CTNNA2: variants seen among roughly 807,000 people sequenced by gnomAD.
CTNNA2 encodes the protein catenin alpha-2.
Under a neutral mutation model 101.0 loss-of-function variants are expected in CTNNA2, and 42 were observed. The observed-to-expected ratio is 0.42, with a 90% CI of 0.32 to 0.54. The LOEUF (loss-of-function observed/expected upper bound fraction) is 0.54, where lower values mean the gene tolerates loss of function less well. CTNNA2 is among the 20% of genes least tolerant of loss of function. The pLI is 0.14. For missense variants in CTNNA2, 871 were observed against 1,223.1 expected (o/e 0.71, Z 4.29); for synonymous variants, 450 against 456.4 (o/e 0.99, Z 0.18).
At chr2:79,930,335 AGAAAGAAAGAAAGAAAGAAAG>A (rs1687349914) in intron 7 of CTNNA2, among the ~76,000 whole-genome samples, 1 of 135,322 alleles carries the variant, frequency 7.4e-6, no homozygotes, top group Admixed American at 7.9e-5. Flanking sequence ...AAAGAAAGAA[AGAAAGAAAGAAAGAAAGAAAG>A]AATGAACACG....
rs542830286 is a variant in CTNNA2, at chr2:79,468,663, A to G, written c.-134-36391A>G. On this transcript the variant is annotated intron_variant, in intron 4 of 21. Coordinates refer to the CTNNA2 transcript ENST00000466387. ...TCCTCAGCAAATGTAAAAGAACAGA[A>G]ATTATAACAAACTGTCTCTCAGACC... 3.9e-5 allele frequency among the ~76,000 whole-genome samples: 6 copies of G among 152,346 alleles called. 2 individuals are homozygous for G. Among genetic ancestry groups the G allele is most frequent in the African/African-American group, 1.4e-4 (6 of 41,576 alleles).
intron 7 of CTNNA2, among the ~76,000 whole-genome samples, chr2:79,951,174 T>G (rs1042224565): frequency 9.9e-5 from 15 of 152,152 alleles, no homozygotes; most frequent in African/African-American, 3.6e-4. Flanking sequence ...CAATGTAAAG[T>G]CTATTATCCA....
intron 2 of CTNNA2, among the ~76,000 whole-genome samples, chr2:79,691,360 T>G (rs571361020): frequency 6.6e-6 from 1 of 152,004 alleles, no homozygotes; most frequent in Non-Finnish European, 1.5e-5. Context: ...TCAGTACTCA[T>G]TTAGTGGATA....
intron 8 of CTNNA2, among the ~76,000 whole-genome samples, chr2:80,405,471 A>G (rs1678969766): frequency 6.6e-6 from 1 of 152,180 alleles, no homozygotes; most frequent in African/African-American, 2.4e-5. Flanking sequence ...AGCATAAGGT[A>G]AATATCAATT....
At chr2:80,629,722 A>G (rs1350063455) in intron 18 of CTNNA2, among the ~76,000 whole-genome samples, 1 of 152,238 alleles carries the variant, frequency 6.6e-6, no homozygotes, top group Non-Finnish European at 1.5e-5. Context: ...CCACTGTAGG[A>G]TGTTTAAGAA....
chr2:79,297,332 T>G (rs1414508566), intron 2 of CTNNA2, among the ~76,000 whole-genome samples: 1 of 152,144 alleles, frequency 6.6e-6, no homozygotes, highest in Non-Finnish European at 1.5e-5. Context: ...GAAACATTTC[T>G]GTTCTGAAAT....
In CTNNA2 at chr2:79,998,104, T is replaced by C. The variant is rs150228369; in HGVS notation, c.1056+88307T>C. ...TGATTACATCACTTGCTACATTAAG[T>C]TCATTAGGAATATTAGGCAATGAAT... On this transcript the variant is annotated intron_variant, in intron 7 of 18. Coordinates refer to ENST00000402739, the MANE Select transcript of CTNNA2 (RefSeq NM_001282597.3). Among the ~76,000 whole-genome samples, 245 of 152,276 alleles carry C rather than the reference T, an allele frequency of 1.6e-3. 2 individuals carry two copies. In the East Asian group the frequency reaches 0.039, roughly 24 times the overall value.
At chr2:80,019,678 T>C (rs1295660137) in intron 7 of CTNNA2, among the ~76,000 whole-genome samples, 1 of 152,230 alleles carries the variant, frequency 6.6e-6, no homozygotes, top group African/African-American at 2.4e-5. Context: ...ATCACCCTGA[T>C]GACAGTTGGA....
chr2:79,266,031 A>T (rs1674982648), intron 2 of CTNNA2, among the ~76,000 whole-genome samples: 1 of 152,168 alleles, frequency 6.6e-6, no homozygotes, highest in South Asian at 2.1e-4. Context: ...AAAGTTACTA[A>T]CTGTACCTAT....
intron 15 of CTNNA2, among the ~76,000 whole-genome samples, chr2:80,601,421 C>CTTTTTTTTTTTTT (rs56921519): frequency 7.8e-4 from 66 of 84,338 alleles, no homozygotes; most frequent in African/African-American, 1.8e-3. Context: ...TTCTTTCTTT[C>CTTTTTTTTTTTTT]TTTTTTTTTT....
intron 1 of CTNNA2, among the ~76,000 whole-genome samples, chr2:79,561,444 C>A (rs1258368806): frequency 6.6e-6 from 1 of 151,806 alleles, no homozygotes; most frequent in South Asian, 2.1e-4. Context: ...TATGTATAGT[C>A]CACCAAGGAG....
At chr2:79,836,310 C>T (rs549434678) in intron 3 of CTNNA2, among the ~76,000 whole-genome samples, 14 of 152,268 alleles carry the variant, frequency 9.2e-5, no homozygotes, top group African/African-American at 3.1e-4. Context: ...TAAACTTTTA[C>T]TTTGAGTGTG....
At chr2:79,212,693 G>T (rs1674191327) in intron 2 of CTNNA2, among the ~76,000 whole-genome samples, 1 of 52,004 alleles carries the variant, frequency 1.9e-5, no homozygotes, top group African/African-American at 5.0e-5. Flanking sequence ...GGGAAGAAAT[G>T]ACCGCGGTGG....
chr2:80,234,962 G>T (rs1709466208), intron 7 of CTNNA2, among the ~76,000 whole-genome samples: 1 of 152,076 alleles, frequency 6.6e-6, no homozygotes, highest in South Asian at 2.1e-4. Context: ...ACTTACCAAA[G>T]AAAGGTGATT....
intron 7 of CTNNA2, among the ~76,000 whole-genome samples, chr2:80,231,065 A>G (rs182105939): frequency 1.3e-5 from 2 of 151,958 alleles, no homozygotes; most frequent in Admixed American, 1.3e-4. Context: ...TCCATCTCCC[A>G]GGTTCAAGTG....
intron 9 of CTNNA2, among the ~76,000 whole-genome samples, chr2:80,527,982 G>A (rs957413618): frequency 2.0e-5 from 3 of 152,240 alleles, no homozygotes; most frequent in Middle Eastern, 3.4e-3. Flanking sequence ...GACATTTTCA[G>A]TGTGCATCCA....
At chr2:79,407,216 T>A (rs1202839997) in intron 4 of CTNNA2, among the ~76,000 whole-genome samples, 1 of 152,052 alleles carries the variant, frequency 6.6e-6, no homozygotes, top group Non-Finnish European at 1.5e-5. Flanking sequence ...TTGCCAACTT[T>A]GCAAAACTGC....
intron 4 of CTNNA2, among the ~76,000 whole-genome samples, chr2:79,404,711 T>G (rs192270110): frequency 6.6e-4 from 101 of 152,178 alleles, no homozygotes; most frequent in African/African-American, 1.9e-3. Flanking sequence ...TGGGAAGATT[T>G]AATCTAGTGT....
intron 7 of CTNNA2, among the ~76,000 whole-genome samples, chr2:80,150,119 G>A (rs961270603): frequency 1.3e-5 from 2 of 152,114 alleles, no homozygotes; most frequent in Admixed American, 6.5e-5. Flanking sequence ...ATCTTTTTCT[G>A]AGATGGTCAC....
Sources: allele counts gnomAD v4.1 joint callset (sites outside exome capture counted in the v4.1 genomes callset), GRCh38; gene constraint gnomAD v4.1.1; transcripts MANE v1.5; gene names NCBI Gene and HGNC (gene_info 2026-07-23, HGNC 2026-07-21).